The following CNTN4 variants were observed in gnomAD, a reference collection of about 807,000 sequenced individuals.
The protein encoded by CNTN4 is contactin-4.
Under a neutral mutation model 122.5 loss-of-function variants are expected in CNTN4, and 77 were observed. The ratio of observed to expected loss-of-function variants is 0.63; its 90% CI spans 0.52 to 0.76. The LOEUF is 0.76. Ranked by LOEUF, CNTN4 falls within the 30% of genes least tolerant of loss-of-function variation. The pLI is 0.00. For missense variants in CNTN4, 1,256 were observed against 1,259.1 expected (o/e 1.00, Z 0.04); for synonymous variants, 512 against 447.0 (o/e 1.15, Z -1.83).
chr3:3,019,512 C>G (rs561234997), intron 14 of CNTN4, among the ~76,000 whole-genome samples: 1 of 151,940 alleles, frequency 6.6e-6, no homozygotes, highest in East Asian at 1.9e-4. Context: ...CCAGGCTGGT[C>G]TGGAACTCCT....
chr3:2,756,023 G>A (rs939755363), intron 6 of CNTN4, among the ~76,000 whole-genome samples: 10 of 152,170 alleles, frequency 6.6e-5, no homozygotes, highest in East Asian at 1.9e-4. Flanking sequence ...GTTGCCATTC[G>A]GGGAAAAGGG....
At chr3:2,302,421 C>G (rs1242083122) in intron 2 of CNTN4, among the ~76,000 whole-genome samples, 1 of 152,146 alleles carries the variant, frequency 6.6e-6, no homozygotes, top group Non-Finnish European at 1.5e-5. Flanking sequence ...GAGCGAGACT[C>G]CATCTCAAAA....
chr3:2,907,994 T>C (rs2094256520), intron 12 of CNTN4, among the ~76,000 whole-genome samples: 1 of 152,194 alleles, frequency 6.6e-6, no homozygotes, highest in African/African-American at 2.4e-5. Flanking sequence ...CAGTTTATTT[T>C]TTTCCCAAGG....
intron 2 of CNTN4, among the ~76,000 whole-genome samples, chr3:2,134,765 A>C (rs1185500453): frequency 6.6e-6 from 1 of 152,156 alleles, no homozygotes; most frequent in East Asian, 1.9e-4. Flanking sequence ...GAGAAACAGA[A>C]CATATATGAT....
intron 3 of CNTN4, chr3:2,511,806 G>A (rs911580184): frequency 2.6e-5 from 4 of 152,166 alleles, no homozygotes; most frequent in African/African-American, 4.8e-5. Context: ...AATCAAGCTG[G>A]TGAGGTAGAG....
At chr3:2,424,532 G>A (rs1162379875) in intron 3 of CNTN4, among the ~76,000 whole-genome samples, 1 of 152,140 alleles carries the variant, frequency 6.6e-6, no homozygotes, top group Non-Finnish European at 1.5e-5. Context: ...ACATATGTGT[G>A]CATGTATCTT....
chr3:2,574,743 C>T (rs2079583340), intron 4 of CNTN4, among the ~76,000 whole-genome samples: 1 of 152,044 alleles, frequency 6.6e-6, no homozygotes, highest in African/African-American at 2.4e-5. Context: ...TACAGTGCAA[C>T]AGGGAATGTT....
intron 4 of CNTN4, among the ~76,000 whole-genome samples, chr3:2,667,395 A>G (rs1191428927): frequency 6.6e-6 from 1 of 152,176 alleles, no homozygotes; most frequent in South Asian, 2.1e-4. Context: ...TCTTCTTTTG[A>G]GAACTGTCTG....
chr3:2,757,821 T>C (rs1055271600), intron 6 of CNTN4, among the ~76,000 whole-genome samples: 5 of 152,196 alleles, frequency 3.3e-5, no homozygotes, highest in Non-Finnish European at 7.3e-5. Context: ...ACTAAATTAT[T>C]CTGTTACATA....
intron 2 of CNTN4, among the ~76,000 whole-genome samples, chr3:2,296,498 A>G (rs534336356): frequency 2.0e-5 from 3 of 152,234 alleles, no homozygotes; most frequent in East Asian, 3.9e-4. Flanking sequence ...AAAAAAGAGG[A>G]TGTCACTGTA....
chr3:2,840,439 G>A (rs984998151), intron 7 of CNTN4, among the ~76,000 whole-genome samples: 1 of 151,042 alleles, frequency 6.6e-6, no homozygotes, highest in African/African-American at 2.4e-5. Context: ...GGTGGCTCAC[G>A]CCTGTCATCC....
At chr3:2,573,167 T>C (rs2079503217) in intron 4 of CNTN4, among the ~76,000 whole-genome samples, 1 of 152,236 alleles carries the variant, frequency 6.6e-6, no homozygotes, top group African/African-American at 2.4e-5. Flanking sequence ...CTTGAGGATT[T>C]GGCAAGTTTA....
intron 7 of CNTN4, among the ~76,000 whole-genome samples, chr3:2,824,923 A>G (rs2092955561): frequency 6.6e-6 from 1 of 152,172 alleles, no homozygotes; most frequent in African/African-American, 2.4e-5. Flanking sequence ...TTGGCCTCCC[A>G]AAGTGCTGGG....
intron 6 of CNTN4, among the ~76,000 whole-genome samples, chr3:2,786,756 C>T (rs1199057042): frequency 6.6e-6 from 1 of 152,122 alleles, no homozygotes; most frequent in East Asian, 1.9e-4. Context: ...GGTTTTTGCT[C>T]ATGATTTTCT....
At chr3:2,554,043 C>G (rs2078621651) in intron 3 of CNTN4, among the ~76,000 whole-genome samples, 1 of 152,108 alleles carries the variant, frequency 6.6e-6, no homozygotes, top group African/African-American at 2.4e-5. Context: ...ATTGATATCT[C>G]ATTTAAATTA....
chr3:2,438,393 G>A (rs1045257101), intron 3 of CNTN4, among the ~76,000 whole-genome samples: 4 of 152,174 alleles, frequency 2.6e-5, no homozygotes, highest in Admixed American at 2.0e-4. Flanking sequence ...ATGGCGGTGC[G>A]TGCCTGTAAT....
At chr3:2,307,835 G>T (rs1346544749) in intron 2 of CNTN4, among the ~76,000 whole-genome samples, 1 of 151,852 alleles carries the variant, frequency 6.6e-6, no homozygotes, top group African/African-American at 2.4e-5. Flanking sequence ...TGCTAGATTT[G>T]GTTTCTTGAA....
intron 2 of CNTN4, among the ~76,000 whole-genome samples, chr3:2,191,670 G>A (rs949394978): frequency 6.6e-6 from 1 of 150,396 alleles, no homozygotes; most frequent in African/African-American, 2.4e-5. Context: ...AGTGAGTGAG[G>A]TTATCTATTT....
At chr3:2,924,995 C>A (rs1216645018) in intron 12 of CNTN4, among the ~76,000 whole-genome samples, 5 of 152,014 alleles carry the variant, frequency 3.3e-5, no homozygotes, top group African/African-American at 4.8e-5. Flanking sequence ...TTTCAATTTT[C>A]TGAAATTTTA....
Sources: allele counts gnomAD v4.1 joint callset (sites outside exome capture counted in the v4.1 genomes callset), GRCh38; gene constraint gnomAD v4.1.1; transcripts MANE v1.5; gene names NCBI Gene and HGNC (gene_info 2026-07-23, HGNC 2026-07-21).